UGT1A4: variants seen among roughly 807,000 people sequenced by gnomAD.
The protein encoded by UGT1A4 is UDP-glucuronosyltransferase 1A4.
In UGT1A4, 32 loss-of-function variants were observed where a neutral mutation model predicts 41.1. That is an observed-to-expected ratio of 0.78 (90% CI 0.59 to 1.05). The LOEUF (loss-of-function observed/expected upper bound fraction) is 1.05. UGT1A4 is among the 50% of genes least tolerant of loss of function. UGT1A4 has a pLI of 0.00. For missense variants in UGT1A4, 748 were observed against 677.4 expected (o/e 1.10, Z -1.16); for synonymous variants, 283 against 265.1 (o/e 1.07, Z -0.66).
In UGT1A4 at chr2:233,719,064, G is replaced by A. The variant is rs745742855; in HGVS notation, c.244G>A (p.Val82Ile). Reference sequence around the variant, plus strand: ...ATTTTTCACCCTGACAGCCTATGCTGTTCCATGGACCCAGAAGGAATTTGA... The same window carrying A: ...ATTTTTCACCCTGACAGCCTATGCTATTCCATGGACCCAGAAGGAATTTGA... ...EKFFTLTAYAVPWTQKEFDRV... is the reference protein window; with the variant it reads ...EKFFTLTAYAIPWTQKEFDRV... Residue 82 changes from valine to isoleucine, a missense_variant, in exon 1 of 5, where the codon GTT (valine) becomes ATT (isoleucine). By Grantham distance (29) the Val-to-Ile change is conservative. Transcript: ENST00000373409. The A allele has an allele frequency of 1.1e-4, 179 of 1,614,274 alleles. No individual in the cohort carries two copies. Among genetic ancestry groups the A allele is most frequent in the East Asian group, 3.6e-4 (16 of 44,892 alleles).
intron 1 of UGT1A4, among the ~76,000 whole-genome samples, chr2:233,732,105 A>G (rs1386469627): frequency 6.6e-6 from 1 of 151,602 alleles, no homozygotes; most frequent in Admixed American, 6.6e-5. Flanking sequence ...GTCTGTTCAT[A>G]TCCTTTGCCC....
rs62191899 is a variant in UGT1A4 at position 233,718,862 on chromosome 2, A to G, written c.42A>G (p.Thr14=). Residue 14 remains threonine, a synonymous_variant, in exon 1 of 5, where the codon ACA becomes ACG. Coordinates refer to ENST00000373409, the MANE Select transcript of UGT1A4 (RefSeq NM_007120.3). ...AGGTTCCCCTGCCGCGGCTGGCCACAGGACTGCTGCTCCTCCTCAGTGTCC... is the reference window on the plus strand; with the variant it reads ...AGGTTCCCCTGCCGCGGCTGGCCACGGGACTGCTGCTCCTCCTCAGTGTCC... The part of the protein sequence containing the change: ...GLQVPLPRLA[T]GLLLLLSVQP... 3,156 of 1,613,830 alleles carry G rather than the reference A, an allele frequency of 2.0e-3. 12 individuals carry two copies. The highest frequency in any genetic ancestry group is 2.2e-3 in the Non-Finnish European group (2,611 of 1,179,922).
chr2:233,747,263 T>C (rs1693601928), intron 1 of UGT1A4: 3 of 1,599,140 alleles, frequency 1.9e-6, no homozygotes, highest in East Asian at 2.2e-5. Context: ...ACAGGAGTGC[T>C]ACTCCTTCTC....
Position 233,729,464 on chromosome 2 carries a change from G to C in UGT1A4, c.867+9777G>C, listed in dbSNP as rs146268573. ...CATTTTCTGAAGAAATTTTTCAGAA[G>C]TATGGCAATGTTGAACAATATGTCT... On this transcript the variant is annotated intron_variant, in intron 1 of 4. Coordinates refer to ENST00000373409, the MANE Select transcript of UGT1A4 (RefSeq NM_007120.3). 178 of 1,614,158 alleles carry C rather than the reference G, an allele frequency of 1.1e-4. 1 individual carries two copies. In the African/African-American group the frequency reaches 2.0e-3, roughly 18 times the overall value.
At chr2:233,725,486 A>G (rs1390783883) in intron 1 of UGT1A4, among the ~76,000 whole-genome samples, 10 of 152,080 alleles carry the variant, frequency 6.6e-5, no homozygotes, top group Non-Finnish European at 1.0e-4. Context: ...GAAACCAGCA[A>G]AAAGAAACCA....
intron 4 of UGT1A4, chr2:233,771,059 G>A (rs1001475755): frequency 6.6e-6 from 1 of 152,046 alleles, no homozygotes; most frequent in Non-Finnish European, 1.5e-5. Flanking sequence ...TTTAATGACC[G>A]GCTCTCACAA....
chr2:233,771,986 A>T (rs897905900), intron 4 of UGT1A4, among the ~76,000 whole-genome samples: 3 of 152,212 alleles, frequency 2.0e-5, no homozygotes, highest in African/African-American at 7.2e-5. Context: ...ATAGTGGTGC[A>T]TGACTAATTC....
intron 1 of UGT1A4, among the ~76,000 whole-genome samples, chr2:233,764,100 A>T (rs549144830): frequency 7.2e-5 from 11 of 152,262 alleles, no homozygotes; most frequent in Non-Finnish European, 1.6e-4. Context: ...AACTAAAAAT[A>T]CAAAATTCTT....
intron 1 of UGT1A4, among the ~76,000 whole-genome samples, chr2:233,725,070 G>T (rs1181179601): frequency 6.9e-6 from 1 of 145,128 alleles, no homozygotes; most frequent in Non-Finnish European, 1.5e-5. Context: ...GCCTGCAATC[G>T]CAGGCACTCG....
In UGT1A4 at chr2:233,719,323, C is replaced by G. The variant is rs760645007; in HGVS notation, c.503C>G (p.Pro168Arg). The change falls in exon 1 of 5, where the codon CCT becomes CGT. Residue 168 changes from proline to arginine, a missense_variant. Pro to Arg is a moderately radical substitution (Grantham distance 103, BLOSUM62 -2). Coordinates refer to ENST00000373409, the MANE Select transcript of UGT1A4 (RefSeq NM_007120.3). ...GTGCTGGCTAAGTACCTGTCGATTC[C>G]TGCTGTGTTTTTTTGGAGGTACATT... ...GAVLAKYLSIPAVFFWRYIPC... is the reference protein window; with the variant it reads ...GAVLAKYLSIRAVFFWRYIPC... 1.2e-5 allele frequency: 20 copies of G among 1,613,830 alleles called. No individual in the cohort carries two copies. In the South Asian group the frequency reaches 2.2e-4, roughly 18 times the overall value.
chr2:233,737,525 C>T (rs943562691), intron 1 of UGT1A4, among the ~76,000 whole-genome samples: 11 of 152,188 alleles, frequency 7.2e-5, no homozygotes, highest in African/African-American at 1.4e-4. Context: ...GGTGAGGCGA[C>T]GCCCTGCCCT....
In UGT1A4 at chr2:233,767,104, C is replaced by T. The variant is rs1699318263; in HGVS notation, c.938C>T (p.Ser313Leu). The part of the protein sequence containing the change: ...IVVFSLGSMV[S>L]EIPEKKAMAI... ...GTTTTCTCTTTGGGATCAATGGTCT[C>T]AGAAATTCCAGAGAAGAAAGCTATG... The change falls in exon 2 of 5, where the codon TCA becomes TTA. Residue 313 changes from serine to leucine, a missense_variant. Ser to Leu is a moderately radical substitution (Grantham distance 145). Coordinates refer to ENST00000373409, the MANE Select transcript of UGT1A4 (RefSeq NM_007120.3). 6.2e-7 allele frequency: 1 copy of T among 1,614,114 alleles called. No individual in the cohort carries two copies. The highest frequency in any genetic ancestry group is 8.5e-7 in the Non-Finnish European group (1 of 1,180,014).
At chr2:233,733,369 T>G (rs13410335) in intron 1 of UGT1A4, among the ~76,000 whole-genome samples, 57,553 of 151,946 alleles carry the variant, frequency 0.38, 11,204 homozygotes, top group African/African-American at 0.46. Flanking sequence ...GTGAGAGAGG[T>G]CATCCTTGTT....
At chr2:233,767,735 C>A in intron 2 of UGT1A4, 114 bp from the exon 3 acceptor site, 2 of 1,569,354 alleles carry the variant, frequency 1.3e-6, no homozygotes, top group Non-Finnish European at 1.7e-6. Flanking sequence ...GATCCTCCCA[C>A]TCTGTTAAAG....
chr2:233,739,475 GA>G (rs1691117772), intron 1 of UGT1A4, among the ~76,000 whole-genome samples: 1 of 152,238 alleles, frequency 6.6e-6, no homozygotes, highest in African/African-American at 2.4e-5. Flanking sequence ...GAGACCGTGG[GA>G]GCCCATTTCT....
chr2:233,719,512 A>G lies in UGT1A4; in HGVS notation c.692A>G (p.Tyr231Cys). 6.2e-7 allele frequency: 1 copy of G among 1,613,910 alleles called. No homozygotes were observed. Among genetic ancestry groups the G allele is most frequent in the Non-Finnish European group, 8.5e-7 (1 of 1,179,860 alleles). The change falls in exon 1 of 5, where the codon TAT becomes TGT. Residue 231 changes from tyrosine to cysteine, a missense_variant. Physicochemically the swap from Tyr to Cys is radical, Grantham distance 194. Coordinates refer to ENST00000373409, the MANE Select transcript of UGT1A4 (RefSeq NM_007120.3). ...ATTTGCCATACTTTTTCTGCCCCTT[A>G]TGCAAGTCTTGCCTCTGAGCTTTTT... ...SYICHTFSAP[Y>C]ASLASELFQR...
intron 1 of UGT1A4, chr2:233,760,458 A>T (rs1336419159): frequency 6.2e-7 from 1 of 1,614,212 alleles, no homozygotes; most frequent in Non-Finnish European, 8.5e-7. Flanking sequence ...GACATGAAAT[A>T]GTTGTCCTAG....
Position 233,750,543 on chromosome 2 carries a change from C to T in UGT1A4, c.868-16491C>T, listed in dbSNP as rs1193971718. On this transcript the variant is annotated intron_variant, in intron 1 of 4. Transcript: ENST00000373409. ...CAATGGGGAAAATGGCTTCAGTGCACATCAGAGACCTTTGCAGCAGACCCT... is the reference window on the plus strand; with the variant it reads ...CAATGGGGAAAATGGCTTCAGTGCATATCAGAGACCTTTGCAGCAGACCCT... 4 of 151,966 alleles carry T rather than the reference C, an allele frequency of 2.6e-5. 1 individual carries two copies. The highest frequency in any genetic ancestry group is 9.7e-5 in the African/African-American group (4 of 41,180). The allele number at this position is 151,966 out of a possible 1,614,324, so 9.4% of individuals were successfully genotyped here. A position where few individuals can be genotyped will look rare whatever the true frequency, so the allele number is the denominator to read the frequency against.
Position 233,757,121 on chromosome 2 carries a change from A to G in UGT1A4, c.868-9913A>G, listed in dbSNP as rs559239929. 1.1e-4 allele frequency among the ~76,000 whole-genome samples: 17 copies of G among 151,382 alleles called. No homozygotes were observed. The South Asian group carries it at 3.4e-3, about 30-fold the overall frequency. ...GAGGGGGCAAGCAGAAGGGCTAGAG[A>G]GGAGGAATGAGCTTGGACAGGTGGG... On this transcript the variant is annotated intron_variant, in intron 1 of 4. Coordinates refer to ENST00000373409, the MANE Select transcript of UGT1A4 (RefSeq NM_007120.3).
Sources: allele counts gnomAD v4.1 joint callset (sites outside exome capture counted in the v4.1 genomes callset), GRCh38; gene constraint gnomAD v4.1.1; transcripts MANE v1.5; gene names NCBI Gene and HGNC (gene_info 2026-07-23, HGNC 2026-07-21).